UNC79: variants seen among roughly 807,000 people sequenced by gnomAD.
The protein encoded by UNC79 is unc-79 subunit of NALCN channel complex, also known as protein unc-79 homolog.
UNC79 carries 37 observed loss-of-function variants against 283.1 expected under a neutral mutation model. That is an observed-to-expected ratio of 0.13 (90% confidence interval 0.10 to 0.17). UNC79 has a LOEUF of 0.17. UNC79 is among the 10% of genes least tolerant of loss of function. The pLI is 1.00. For missense variants in UNC79, 2,272 were observed against 3,211.1 expected, an observed-to-expected ratio of 0.71 and a Z score of 7.07; for synonymous variants, 1,107 against 1,200.2, an observed-to-expected ratio of 0.92 and a Z score of 1.61.
chr14:93,409,126 C>A (rs1412799037), intron 1 of UNC79, among the ~76,000 whole-genome samples: 2 of 152,114 alleles, frequency 1.3e-5, no homozygotes, highest in African/African-American at 4.8e-5. Context: ...CAAGTCAAAA[C>A]TCTCATTATT....
intron 1 of UNC79, among the ~76,000 whole-genome samples, chr14:93,441,304 TA>T (rs1566937361): frequency 6.6e-6 from 1 of 152,080 alleles, no homozygotes. Flanking sequence ...CTTTTATTTT[TA>T]ACTCTTTTGA....
At chr14:93,431,636 G>C (rs2055882850) in intron 1 of UNC79, among the ~76,000 whole-genome samples, 1 of 152,122 alleles carries the variant, frequency 6.6e-6, no homozygotes, top group African/African-American at 2.4e-5. Flanking sequence ...ACAACCATGC[G>C]GTGCTTACAA....
intron 1 of UNC79, among the ~76,000 whole-genome samples, chr14:93,452,731 T>TA (rs2056684021): frequency 6.6e-6 from 1 of 151,942 alleles, no homozygotes; most frequent in Admixed American, 6.6e-5. Context: ...TTCTCATCTG[T>TA]AAAAAAATAA....
At chr14:93,507,202 G>A (rs1171259326) in intron 7 of UNC79, among the ~76,000 whole-genome samples, 1 of 152,144 alleles carries the variant, frequency 6.6e-6, no homozygotes, top group Non-Finnish European at 1.5e-5. Context: ...AAGCTGCTAT[G>A]AATATCTTAT....
At chr14:93,588,509 G>A (rs1309209239) in intron 22 of UNC79, among the ~76,000 whole-genome samples, 3 of 152,072 alleles carry the variant, frequency 2.0e-5, no homozygotes, top group African/African-American at 7.2e-5. Context: ...GGGAGGCCGA[G>A]GCCGGCGGAT....
chr14:93,355,346 C>T (rs1193541189), intron 1 of UNC79, among the ~76,000 whole-genome samples: 2 of 152,180 alleles, frequency 1.3e-5, no homozygotes, highest in Non-Finnish European at 2.9e-5. Context: ...TTATAGGTGC[C>T]TGCCACCATA....
At chr14:93,333,666 A>G (rs2053506711) in intron 1 of UNC79, 4 of 379,906 alleles carry the variant, frequency 1.1e-5, no homozygotes, top group Middle Eastern at 6.7e-4. Flanking sequence ...GAAAACACAC[A>G]GTCGCCACGT....
chr14:93,652,647 T>G (rs1288246221), intron 35 of UNC79, among the ~76,000 whole-genome samples: 3 of 152,188 alleles, frequency 2.0e-5, no homozygotes, highest in Admixed American at 6.5e-5. Flanking sequence ...GTCCGTTATT[T>G]CTTAATATAT....
intron 7 of UNC79, among the ~76,000 whole-genome samples, chr14:93,515,786 T>G (rs1230876004): frequency 6.6e-6 from 1 of 152,172 alleles, no homozygotes; most frequent in African/African-American, 2.4e-5. Flanking sequence ...ATAAGACTTT[T>G]GTCAACATAA....
chr14:93,395,899 G>A (rs927852191), intron 1 of UNC79, among the ~76,000 whole-genome samples: 34 of 152,002 alleles, frequency 2.2e-4, no homozygotes, highest in African/African-American at 7.7e-4. Flanking sequence ...TCTACTTGGA[G>A]TTTGAGGATG....
At chr14:93,511,827 T>G (rs1261323750) in intron 7 of UNC79, among the ~76,000 whole-genome samples, 1 of 152,240 alleles carries the variant, frequency 6.6e-6, no homozygotes, top group African/African-American at 2.4e-5. Flanking sequence ...GTGTTCTGTA[T>G]GTATCATTGT....
At chr14:93,683,759 A>G (rs747227144) in intron 42 of UNC79, among the ~76,000 whole-genome samples, 27 of 152,258 alleles carry the variant, frequency 1.8e-4, no homozygotes, top group Middle Eastern at 6.8e-3. Flanking sequence ...ATAGCAATCA[A>G]TGAATTGTAA....
chr14:93,424,485 A>C (rs2055679178), intron 1 of UNC79, among the ~76,000 whole-genome samples: 1 of 152,208 alleles, frequency 6.6e-6, no homozygotes, highest in Non-Finnish European at 1.5e-5. Context: ...ATAAACATGT[A>C]AAGAAAATGT....
At chr14:93,582,896 T>C (rs1039832591) in intron 20 of UNC79, among the ~76,000 whole-genome samples, 4 of 152,146 alleles carry the variant, frequency 2.6e-5, no homozygotes, top group Non-Finnish European at 5.9e-5. Flanking sequence ...TTTCAGGATG[T>C]GACCCCACGT....
intron 1 of UNC79, among the ~76,000 whole-genome samples, chr14:93,401,235 A>G (rs982065147): frequency 3.9e-5 from 6 of 152,242 alleles, no homozygotes; most frequent in African/African-American, 9.6e-5. Flanking sequence ...AAAGAGAGAC[A>G]GATCTTAGAA....
At chr14:93,464,545 TTTCAACATATGAA>T (rs1405262235) in intron 1 of UNC79, 2 of 456,176 alleles carry the variant, frequency 4.4e-6, no homozygotes, top group African/African-American at 4.0e-5. Context: ...GAGGTTAAGG[TTTCAACATATGAA>T]TTCTAAGCGC....
chr14:93,433,291 T>C (rs757844938), intron 1 of UNC79, among the ~76,000 whole-genome samples: 13 of 152,210 alleles, frequency 8.5e-5, no homozygotes, highest in Non-Finnish European at 1.8e-4. Context: ...TGGATGTTTT[T>C]AGATATCTGT....
At chr14:93,540,915 A>G in intron 13 of UNC79, 84 bp downstream of exon 13, 1 of 1,566,800 alleles carries the variant, frequency 6.4e-7, no homozygotes, top group South Asian at 1.1e-5. Flanking sequence ...CTGTTCTTTT[A>G]AAAGGAGTAA....
chr14:93,435,330 T>C (rs1566933615), intron 1 of UNC79, among the ~76,000 whole-genome samples: 2 of 152,262 alleles, frequency 1.3e-5, no homozygotes, highest in Admixed American at 6.5e-5. Flanking sequence ...GCTGCATTCC[T>C]GATTTAAACT....
Sources: allele counts gnomAD v4.1 joint callset (sites outside exome capture counted in the v4.1 genomes callset), GRCh38; gene constraint gnomAD v4.1.1; transcripts MANE v1.5; gene names NCBI Gene and HGNC (gene_info 2026-07-23, HGNC 2026-07-21).